ZC3HAV1: variants seen among roughly 807,000 people sequenced by gnomAD.
The protein encoded by ZC3HAV1 is zinc finger CCCH-type antiviral protein 1.
In ZC3HAV1, 41 loss-of-function variants were observed where a neutral mutation model predicts 86.6. The observed-to-expected ratio is 0.47, with a 90% confidence interval of 0.37 to 0.61. The LOEUF (loss-of-function observed/expected upper bound fraction) is 0.61. Ranked by LOEUF, ZC3HAV1 falls within the 20% of genes least tolerant of loss-of-function variation. The pLI is 0.00. For missense variants in ZC3HAV1, 964 were observed against 1,141.1 expected, an observed-to-expected ratio of 0.84 and a Z score of 2.24; for synonymous variants, 421 against 432.1, an observed-to-expected ratio of 0.97 and a Z score of 0.32.
In ZC3HAV1 at chr7:139,079,705, G is replaced by A. The variant is rs374328599; in HGVS notation, c.1236C>T (p.Ile412=). Residue 412 remains isoleucine (I), a synonymous_variant, in exon 4 of 13, where the codon ATC becomes ATT. Transcript: ENST00000242351. The part of the protein sequence containing the change: ...GTGLLSSDYR[I]INGKSGTQDI... Reference sequence around the variant, plus strand: ...CCTGAGTTCCACTTTTGCCATTGATGATCCTGTAGTCTGAGGAAAGCAAGC... The same window carrying A: ...CCTGAGTTCCACTTTTGCCATTGATAATCCTGTAGTCTGAGGAAAGCAAGC... 2.5e-5 allele frequency: 41 copies of A among 1,614,080 alleles called. No individual in the cohort carries two copies. Among genetic ancestry groups the A allele is most frequent in the Non-Finnish European group, 3.4e-5 (40 of 1,180,044 alleles).
intron 3 of ZC3HAV1, among the ~76,000 whole-genome samples, chr7:139,081,831 G>A (rs978924): frequency 0.19 from 28,449 of 152,178 alleles, 2,990 homozygotes; most frequent in East Asian, 0.36. Context: ...CCAAATATAA[G>A]GAGGTTTAAT....
chr7:139,094,357 C>T (rs1817518037), intron 1 of ZC3HAV1, among the ~76,000 whole-genome samples: 1 of 152,108 alleles, frequency 6.6e-6, no homozygotes, highest in African/African-American at 2.4e-5. Context: ...GGGAACTCCC[C>T]TCTCGCCAGT....
intron 1 of ZC3HAV1, among the ~76,000 whole-genome samples, chr7:139,100,463 G>A (rs977552869): frequency 4.6e-5 from 7 of 151,976 alleles, no homozygotes; most frequent in Non-Finnish European, 8.8e-5. Context: ...GAACCCAGGA[G>A]GCGGAGACTG....
chr7:139,063,027 C>CAAAAAAA (rs58859916), intron 8 of ZC3HAV1, among the ~76,000 whole-genome samples: 65 of 68,034 alleles, frequency 9.6e-4, no homozygotes, highest in Non-Finnish European at 1.3e-3. Flanking sequence ...GACTCTGTCT[C>CAAAAAAA]AAAAAAAAAA....
intron 6 of ZC3HAV1, 112 bp downstream of exon 6, chr7:139,076,174 G>A (rs533480586): frequency 1.9e-5 from 28 of 1,501,246 alleles, no homozygotes; most frequent in African/African-American, 8.4e-5. Flanking sequence ...TTTCACACTC[G>A]AATGGGATTC....
At chr7:139,101,480 C>A (rs1250127603) in intron 1 of ZC3HAV1, among the ~76,000 whole-genome samples, 3 of 107,478 alleles carry the variant, frequency 2.8e-5, no homozygotes, top group Admixed American at 1.1e-4. Flanking sequence ...TGAGGAGCGC[C>A]TCAGCCCGGC....
intron 1 of ZC3HAV1, among the ~76,000 whole-genome samples, chr7:139,090,992 C>T (rs1817412753): frequency 6.6e-6 from 1 of 152,162 alleles, no homozygotes; most frequent in African/African-American, 2.4e-5. Flanking sequence ...GCCATTCTCC[C>T]AGGCGGGCCC....
chr7:139,065,879 G>A (rs369648611), intron 7 of ZC3HAV1, among the ~76,000 whole-genome samples: 44 of 152,142 alleles, frequency 2.9e-4, no homozygotes, highest in African/African-American at 8.7e-4. Context: ...AGAGCCTGGC[G>A]ACAGAGCAAG....
intron 9 of ZC3HAV1, among the ~76,000 whole-genome samples, chr7:139,058,262 G>A (rs929624861): frequency 1.6e-4 from 24 of 150,368 alleles, no homozygotes; most frequent in African/African-American, 5.9e-4. Flanking sequence ...AAGACAGCCT[G>A]GGCAACCTGG....
intron 7 of ZC3HAV1, among the ~76,000 whole-genome samples, chr7:139,067,258 T>G (rs1816632838): frequency 1.3e-5 from 2 of 152,120 alleles, no homozygotes; most frequent in Non-Finnish European, 2.9e-5. Flanking sequence ...AAGCGAATTC[T>G]CCCGCCTCAG....
At chr7:139,064,282 T>C (rs1816534767) in intron 8 of ZC3HAV1, among the ~76,000 whole-genome samples, 1 of 152,144 alleles carries the variant, frequency 6.6e-6, no homozygotes, top group South Asian at 2.1e-4. Flanking sequence ...GGGTGCCCAA[T>C]GGGATGGTAC....
rs1815963905 is a variant in ZC3HAV1 at position 139,046,718 on chromosome 7, C to T, written c.*876G>A. 6.6e-6 allele frequency: 1 copy of T among 151,972 alleles called. No individual in the cohort carries two copies. Among genetic ancestry groups the T allele is most frequent in the African/African-American group, 2.4e-5 (1 of 41,216 alleles). 9.4% of individuals were successfully genotyped at this position (151,972 alleles called of 1,614,324 possible). On this transcript the variant is annotated 3_prime_UTR_variant, in exon 13 of 13. Transcript: ENST00000242351. ...AGGTACAGTACTGCAGCCATGTCTG[C>T]AATAGCACTTCAATTTTACTTTTTT...
At chr7:139,102,271 C>T (rs1164971158) in intron 1 of ZC3HAV1, among the ~76,000 whole-genome samples, 1 of 152,104 alleles carries the variant, frequency 6.6e-6, no homozygotes, top group African/African-American at 2.4e-5. Flanking sequence ...GTAACTGGGA[C>T]CACAGGTGTG....
At chr7:139,104,082 G>A (rs761737659) in intron 1 of ZC3HAV1, among the ~76,000 whole-genome samples, 1 of 152,030 alleles carries the variant, frequency 6.6e-6, no homozygotes, top group Non-Finnish European at 1.5e-5. Context: ...ACTGAAAAAT[G>A]TGAACACTTA....
At chr7:139,056,026 C>T (rs7776710) in intron 9 of ZC3HAV1, among the ~76,000 whole-genome samples, 94,677 of 151,990 alleles carry the variant, frequency 0.62, 29,649 homozygotes, top group East Asian at 0.69. Flanking sequence ...TGGGACAGAA[C>T]CACTGGTACG....
chr7:139,100,736 C>CT (rs1455987111), intron 1 of ZC3HAV1, among the ~76,000 whole-genome samples: 1 of 150,972 alleles, frequency 6.6e-6, no homozygotes, highest in Admixed American at 6.6e-5. Flanking sequence ...TCACATAAAA[C>CT]TTTAAGAATC....
At chr7:139,101,475 A>G (rs1343178571) in intron 1 of ZC3HAV1, among the ~76,000 whole-genome samples, 14 of 110,558 alleles carry the variant, frequency 1.3e-4, no homozygotes, top group South Asian at 3.4e-4. Flanking sequence ...GGATGTGAGG[A>G]GCGCCTCAGC....
Position 139,095,397 on chromosome 7 carries a change from G to A in ZC3HAV1, c.309-5638C>T, listed in dbSNP as rs112478833. On this transcript the variant is annotated intron_variant, in intron 1 of 12. Coordinates refer to ENST00000242351, the MANE Select transcript of ZC3HAV1 (RefSeq NM_020119.4). ...GACGAGATCACATGAGCAGGGTAAC[G>A]AAGGATGTGGGGAGACACAGAGGGT... Among the ~76,000 whole-genome samples, 262 of 152,280 alleles carry A rather than the reference G, an allele frequency of 1.7e-3. 3 individuals carry two copies. The highest frequency in any genetic ancestry group is 5.8e-3 in the African/African-American group (240 of 41,542).
chr7:139,091,881 G>A (rs1817445501), intron 1 of ZC3HAV1, among the ~76,000 whole-genome samples: 4 of 152,154 alleles, frequency 2.6e-5, no homozygotes, highest in Admixed American at 6.5e-5. Flanking sequence ...GTACTTGAGC[G>A]AGTTAGAGAA....
Sources: allele counts gnomAD v4.1 joint callset (sites outside exome capture counted in the v4.1 genomes callset), GRCh38; gene constraint gnomAD v4.1.1; transcripts MANE v1.5; gene names NCBI Gene and HGNC (gene_info 2026-07-23, HGNC 2026-07-21).